The following FRMD4A variants were observed in gnomAD, a reference collection of about 807,000 sequenced individuals.
The protein encoded by FRMD4A is FERM domain-containing protein 4A.
In FRMD4A, 29 loss-of-function variants were observed where a neutral mutation model predicts 129.1. That is an observed-to-expected ratio of 0.22 (90% CI 0.17 to 0.31). The LOEUF (loss-of-function observed/expected upper bound fraction) is 0.31. Among genes scored for constraint, FRMD4A ranks in the 10% least tolerant of loss-of-function variants. FRMD4A has a pLI of 1.00. For missense variants in FRMD4A, 1,272 were observed against 1,375.8 expected (o/e 0.92, Z 1.19); for synonymous variants, 634 against 571.6 (o/e 1.11, Z -1.56).
chr10:13,874,982 G>A (rs1193266519), intron 2 of FRMD4A, among the ~76,000 whole-genome samples: 1 of 152,106 alleles, frequency 6.6e-6, no homozygotes, highest in Admixed American at 6.5e-5. Context: ...ATGGGATGGG[G>A]ACGGGGGGAC....
chr10:13,728,861 C>T (rs147828126), intron 12 of FRMD4A, among the ~76,000 whole-genome samples: 272 of 152,140 alleles, frequency 1.8e-3, no homozygotes, highest in African/African-American at 5.8e-3. Context: ...TGTGAGCCAC[C>T]GTGCCCAGCC....
rs534189503 is a variant in FRMD4A at position 13,855,697 on chromosome 10, T to A, written c.111+3150A>T. ...TTGATGACTAAAGTATAAATGAACC[T>A]GAAGGCTACCACTCTCTGAATGTAA... On this transcript the variant is annotated intron_variant, in intron 3 of 24. Coordinates refer to ENST00000357447, the MANE Select transcript of FRMD4A (RefSeq NM_018027.5). Among the ~76,000 whole-genome samples the A allele has an allele frequency of 1.1e-4, 16 of 152,330 alleles. No individual in the cohort carries two copies. In the South Asian group the frequency reaches 2.1e-3, roughly 20 times the overall value.
intron 2 of FRMD4A, among the ~76,000 whole-genome samples, chr10:14,165,784 A>G (rs112914586): frequency 0.012 from 1,867 of 152,298 alleles, 50 homozygotes; most frequent in African/African-American, 0.042. Flanking sequence ...GTTCTCGCTT[A>G]TAAGTGGGAG....
chr10:14,001,509 C>G (rs141563797), intron 2 of FRMD4A, among the ~76,000 whole-genome samples: 6 of 152,312 alleles, frequency 3.9e-5, no homozygotes, highest in African/African-American at 1.4e-4. Flanking sequence ...GAGTGGTACC[C>G]ATAGAGACAG....
In FRMD4A at chr10:14,131,107, G is replaced by A. The variant is rs557291459; in HGVS notation, c.45+198951C>T. Among the ~76,000 whole-genome samples the A allele has an allele frequency of 6.0e-4, 91 of 152,278 alleles. 1 individual carries two copies. Among genetic ancestry groups the A allele is most frequent in the East Asian group, 9.6e-4 (5 of 5,188 alleles). ...CTTCTATAATTGGCCCTGTTACACC[G>A]TAAGCTCCCAGTTGCAGCATTTGTA... is the stretch of plus-strand genomic sequence containing the variant. On this transcript the variant is annotated intron_variant, in intron 2 of 24. Transcript: ENST00000357447.
At chr10:14,061,203 T>C (rs1211326424) in intron 2 of FRMD4A, among the ~76,000 whole-genome samples, 3 of 152,114 alleles carry the variant, frequency 2.0e-5, no homozygotes, top group African/African-American at 7.2e-5. Context: ...ATTCCACAAT[T>C]TGGAGGCCGA....
At chr10:13,699,179 C>T (rs1410097029) in intron 14 of FRMD4A, among the ~76,000 whole-genome samples, 5 of 150,270 alleles carry the variant, frequency 3.3e-5, no homozygotes, top group African/African-American at 1.2e-4. Flanking sequence ...CCTCAGCCTC[C>T]CTAGTAGCTG....
intron 2 of FRMD4A, among the ~76,000 whole-genome samples, chr10:13,925,564 C>A (rs2103321): frequency 2.2e-5 from 2 of 89,500 alleles, no homozygotes; most frequent in Admixed American, 1.5e-4. Flanking sequence ...TGTAGTGAAA[C>A]GCTTTTTTTT....
intron 2 of FRMD4A, among the ~76,000 whole-genome samples, chr10:14,007,901 T>G (rs570063053): frequency 5.2e-4 from 79 of 152,264 alleles, no homozygotes; most frequent in African/African-American, 1.9e-3. Context: ...CATTATCTGT[T>G]AAAAAACTAA....
chr10:13,942,285 A>G (rs1202611497), intron 2 of FRMD4A, among the ~76,000 whole-genome samples: 4 of 152,176 alleles, frequency 2.6e-5, no homozygotes, highest in Admixed American at 6.5e-5. Context: ...ATCTCCATAG[A>G]TGTCTCTGCA....
At chr10:14,240,473 C>A (rs1294186580) in intron 2 of FRMD4A, among the ~76,000 whole-genome samples, 1 of 152,132 alleles carries the variant, frequency 6.6e-6, no homozygotes, top group African/African-American at 2.4e-5. Flanking sequence ...TGGCAAAGGT[C>A]TCCTAGCAAC....
At chr10:14,073,540 G>T (rs1003996723) in intron 2 of FRMD4A, among the ~76,000 whole-genome samples, 1 of 152,122 alleles carries the variant, frequency 6.6e-6, no homozygotes, top group Admixed American at 6.5e-5. Context: ...TAACACTGGG[G>T]GCTGGGGTCA....
intron 2 of FRMD4A, among the ~76,000 whole-genome samples, chr10:14,247,041 A>G (rs1445499000): frequency 6.6e-6 from 1 of 152,164 alleles, no homozygotes. Context: ...GATGACCTAG[A>G]TAGTTCACTT....
At chr10:13,734,853 T>C (rs1220847742) in intron 12 of FRMD4A, among the ~76,000 whole-genome samples, 1 of 42,868 alleles carries the variant, frequency 2.3e-5, no homozygotes, top group South Asian at 8.1e-4. Flanking sequence ...TTTATTTATT[T>C]ATTTATTTAT....
chr10:13,958,992 A>C (rs2095428688), intron 2 of FRMD4A, among the ~76,000 whole-genome samples: 1 of 152,242 alleles, frequency 6.6e-6, no homozygotes, highest in Non-Finnish European at 1.5e-5. Context: ...ACATTGGACT[A>C]AGTTAACAAT....
At chr10:14,312,650 T>G (rs964667275) in intron 2 of FRMD4A, among the ~76,000 whole-genome samples, 7 of 152,128 alleles carry the variant, frequency 4.6e-5, no homozygotes, top group African/African-American at 1.7e-4. Flanking sequence ...TCATACAATA[T>G]AATACTAGGA....
chr10:13,688,743 T>A (rs942296572), intron 15 of FRMD4A, among the ~76,000 whole-genome samples: 1 of 152,134 alleles, frequency 6.6e-6, no homozygotes, highest in African/African-American at 2.4e-5. Flanking sequence ...AGACAGAGTC[T>A]CGCTCTGTCT....
intron 2 of FRMD4A, among the ~76,000 whole-genome samples, chr10:13,870,000 A>G (rs556676315): frequency 6.6e-6 from 1 of 152,178 alleles, no homozygotes; most frequent in East Asian, 1.9e-4. Flanking sequence ...ACTGGATTGT[A>G]TTATTATTAT....
chr10:13,683,430 A>C (rs916447928), intron 15 of FRMD4A, among the ~76,000 whole-genome samples: 1 of 151,876 alleles, frequency 6.6e-6, no homozygotes, highest in African/African-American at 2.4e-5. Context: ...AAAAAAAAAA[A>C]AACAAAAAAT....
Sources: gnomAD v4.1 joint callset for allele counts (sites outside exome capture counted in the v4.1 genomes callset) on GRCh38, gnomAD v4.1.1 for gene constraint, MANE v1.5 for transcripts, NCBI Gene and HGNC (gene_info 2026-07-23, HGNC 2026-07-21) for gene names.